AMPD2: variants seen among roughly 807,000 people sequenced by gnomAD.
AMPD2 encodes AMP deaminase 2.
Under a neutral mutation model 91.3 loss-of-function variants are expected in AMPD2, and 52 were observed. The ratio of observed to expected loss-of-function variants is 0.57; its 90% CI spans 0.46 to 0.72. AMPD2 has a LOEUF of 0.72. Ranked by LOEUF, AMPD2 falls within the 30% of genes least tolerant of loss-of-function variation. AMPD2 has a pLI of 0.00. For synonymous variants in AMPD2, 455 were observed against 456.4 expected, an observed-to-expected ratio of 1.00 and a Z score of 0.04; for missense variants, 822 against 1,122.3, an observed-to-expected ratio of 0.73 and a Z score of 3.82.
Position 109,627,805 on chromosome 1 carries a change from C to T in AMPD2, c.982C>T (p.Leu328=). 2 of 1,614,166 alleles carry T rather than the reference C, an allele frequency of 1.2e-6. No homozygotes were observed. Among genetic ancestry groups the T allele is most frequent in the Non-Finnish European group, 1.7e-6 (2 of 1,180,016 alleles). The change falls in exon 10 of 19, where the codon CTG becomes TTG. Residue 328 remains leucine (L), a synonymous_variant. Coordinates refer to ENST00000528667, the MANE Select transcript of AMPD2 (RefSeq NM_001368809.2). ...ATTCTGCTACCGCCGGCTGCAGTAC[C>T]TGAGCTCCAAGTTCCAGATGCATGT... ...KSFCYRRLQY[L]SSKFQMHVLL...
In AMPD2 at chr1:109,629,134, C is replaced by G; in HGVS notation, c.1597C>G (p.Leu533Val). Residue 533 changes from leucine (L) to valine (V), a missense_variant, in exon 14 of 19, where the codon CTG becomes GTG. By Grantham distance (32) the Leu-to-Val change is conservative. This residue lies in a region of AMPD2 where 430 missense variants were observed against 606.0 expected (regional missense o/e 0.71). Coordinates refer to ENST00000528667, the MANE Select transcript of AMPD2 (RefSeq NM_001368809.2). ...TGATGTGTACCGTACCAAGGGCCAG[C>G]TGGCCAACTTCCAGGAGATGCTGGA... Reference protein sequence around the residue: ...LFDVYRTKGQLANFQEMLENI... With the variant: ...LFDVYRTKGQVANFQEMLENI... 6.2e-7 allele frequency: 1 copy of G among 1,613,986 alleles called. No homozygotes were observed. Among genetic ancestry groups the G allele is most frequent in the Non-Finnish European group, 8.5e-7 (1 of 1,179,984 alleles).
In AMPD2 at chr1:109,631,924, G is replaced by C. The variant is rs1651302476; in HGVS notation, c.*772G>C. On this transcript the variant is annotated 3_prime_UTR_variant, in exon 19 of 19. Transcript: ENST00000528667. ...TGGTGTTCCCAGTGTGGCTCCCAGA[G>C]CTTTGACCAGATTGTGATCCCAGCT... The C allele has an allele frequency of 6.5e-6, 1 of 153,384 alleles. No individual in the cohort carries two copies. Among genetic ancestry groups the C allele is most frequent in the African/African-American group, 2.4e-5 (1 of 41,448 alleles). The allele number at this position is 153,384 out of a possible 1,614,324, so 9.5% of individuals were successfully genotyped here. A position where few individuals can be genotyped will look rare whatever the true frequency, so the allele number is the denominator to read the frequency against.
chr1:109,625,268 T>G lies in AMPD2; in HGVS notation c.92-35T>G. ...GCCCAGGGCTTTCAGGGGCTGCCCC[T>G]CCACCCTTTGACCCTGGCATCACTG... On this transcript the variant is annotated intron_variant, in intron 2 of 18. Transcript: ENST00000528667. This position sits in a 1 kb window ranked among gnomAD's most constrained non-coding sequence, Gnocchi z 4.0. 1 of 1,606,708 alleles carries G rather than the reference T, an allele frequency of 6.2e-7. No individual in the cohort carries two copies. Among genetic ancestry groups the G allele is most frequent in the Non-Finnish European group, 8.5e-7 (1 of 1,175,706 alleles).
Position 109,625,639 on chromosome 1 carries a change from T to C in AMPD2, c.223-23T>C. The C allele has an allele frequency of 6.2e-7, 1 of 1,611,852 alleles. No individual in the cohort carries two copies. The highest frequency in any genetic ancestry group is 1.3e-5 in the African/African-American group (1 of 75,032). ...CCCGAGGGCGGAGGGCCAGCCATGC[T>C]GACCTTCCTTCCCTCCCCCCAGGAG... On this transcript the variant is annotated intron_variant, in intron 3 of 18. Transcript: ENST00000528667. This position sits in a 1 kb window ranked among gnomAD's most constrained non-coding sequence, Gnocchi z 4.0.
intron 6 of AMPD2, 79 bp downstream of exon 6, chr1:109,626,506 G>T: frequency 7.0e-7 from 1 of 1,427,770 alleles, no homozygotes; most frequent in Non-Finnish European, 9.5e-7. Context: ...AGCTGGGGGT[G>T]GGGGCTGGAA....
chr1:109,620,484 C>T lies in AMPD2; in HGVS notation c.-263+206C>T, dbSNP rs1010105384. The T allele has an allele frequency of 1.3e-5, 15 of 1,189,512 alleles. No homozygotes were observed. The African/African-American group carries it at 2.4e-4, about 19-fold the overall frequency. 73.7% of individuals were successfully genotyped at this position (1,189,512 alleles called of 1,614,324 possible). On this transcript the variant is annotated intron_variant, in intron 1 of 18. Coordinates refer to ENST00000528667, the MANE Select transcript of AMPD2 (RefSeq NM_001368809.2). ...GGCTAGGGTCTCTGTCCCAGACCCC[C>T]AGACAAGGGGGTCTCCTGGCCTTCC...
chr1:109,627,979 C>T, intron 10 of AMPD2, 76 bp downstream of exon 10: 3 of 1,605,790 alleles, frequency 1.9e-6, no homozygotes, highest in Non-Finnish European at 2.6e-6. Context: ...AGGGCCAGGC[C>T]CCCCACACAG....
intron 17 of AMPD2, 55 bp downstream of exon 17, chr1:109,630,461 C>G (rs935766123): frequency 2.7e-6 from 1 of 377,316 alleles, no homozygotes; most frequent in South Asian, 2.1e-5. Flanking sequence ...CTGGGGTCTC[C>G]CGGGTTGGGT....
At chr1:109,630,192 G>C in intron 16 of AMPD2, 41 bp from the exon 17 acceptor site, 4 of 1,604,766 alleles carry the variant, frequency 2.5e-6, no homozygotes, top group Non-Finnish European at 3.4e-6. Flanking sequence ...GCCCAGCCTC[G>C]GGGCCACCTG....
At chr1:109,630,602 A>C (rs1651146908) in intron 17 of AMPD2, 81 bp from the exon 18 acceptor site, 3 of 1,203,310 alleles carry the variant, frequency 2.5e-6, no homozygotes, top group Non-Finnish European at 3.5e-6. Flanking sequence ...GGGGGTGGGG[A>C]GAGTGAGTGA....
intron 1 of AMPD2, chr1:109,620,657 T>C: frequency 8.3e-7 from 1 of 1,198,538 alleles, no homozygotes. Context: ...GGAAAGTGGG[T>C]GCTGGGTTTT....
At position 109,624,927 on chromosome 1, in the gene AMPD2, G is replaced by T. The variant is rs1261603459; in HGVS notation, c.92-376G>T. Among the ~76,000 whole-genome samples, 1 of 152,156 alleles carries T rather than the reference G, an allele frequency of 6.6e-6. No individual in the cohort carries two copies. The highest frequency in any genetic ancestry group is 1.5e-5 in the Non-Finnish European group (1 of 67,996). Reference sequence around the variant, plus strand: ...AAGCACCTGGTGTGTGTCTCTGAGGGTGTCTGTGTGCGTACGTGCATGTGT... The same window carrying T: ...AAGCACCTGGTGTGTGTCTCTGAGGTTGTCTGTGTGCGTACGTGCATGTGT... On this transcript the variant is annotated intron_variant, in intron 2 of 18. Coordinates refer to ENST00000528667, the MANE Select transcript of AMPD2 (RefSeq NM_001368809.2). The surrounding 1 kb of genome is among the most constrained non-coding windows in gnomAD (Gnocchi z 5.2).
chr1:109,625,559 C>T lies in AMPD2; in HGVS notation c.223-103C>T. ...CTGTCTCCTGATCCTCAGCCTCTCC[C>T]AGGTACCCCTGGTCCTGCTGCCCTC... is the stretch of plus-strand genomic sequence containing the variant. On this transcript the variant is annotated intron_variant, in intron 3 of 18. Coordinates refer to ENST00000528667, the MANE Select transcript of AMPD2 (RefSeq NM_001368809.2). This position sits in a 1 kb window ranked among gnomAD's most constrained non-coding sequence, Gnocchi z 4.0. 6.3e-7 allele frequency: 1 copy of T among 1,594,890 alleles called. No individual in the cohort carries two copies.
In AMPD2 at chr1:109,629,463, A is replaced by G. The variant is rs1411435405; in HGVS notation, c.1835A>G (p.Asn612Ser). Residue 612 changes from asparagine to serine, a missense_variant, in exon 15 of 19, where the codon AAC becomes AGC. By Grantham distance (46) the Asn-to-Ser change is conservative. Transcript: ENST00000528667. ...YAYYLYYTFANMAMLNHLRRQ... is the reference protein window; with the variant it reads ...YAYYLYYTFASMAMLNHLRRQ... Reference sequence around the variant, plus strand: ...TACTACCTGTACTACACCTTTGCCAACATGGCCATGTTGAACCACCTGCGC... The same window carrying G: ...TACTACCTGTACTACACCTTTGCCAGCATGGCCATGTTGAACCACCTGCGC... 38 of 1,613,948 alleles carry G rather than the reference A, an allele frequency of 2.4e-5. No homozygotes were observed. The highest frequency in any genetic ancestry group is 3.2e-5 in the Non-Finnish European group (38 of 1,179,936).
Position 109,628,357 on chromosome 1 carries a change from C to G in AMPD2, c.1276-7C>G, listed in dbSNP as rs781445416. ...ACGGGTGACCTGAGCCTTCCCATGT[C>G]CCCCAGGACAGGAACACTTTCCATC... On this transcript the variant is annotated splice_polypyrimidine_tract_variant and splice_region_variant and intron_variant, in intron 11 of 18. Coordinates refer to ENST00000528667, the MANE Select transcript of AMPD2 (RefSeq NM_001368809.2). The surrounding 1 kb of genome is among the most constrained non-coding windows in gnomAD (Gnocchi z 7.1). 1 of 1,613,962 alleles carries G rather than the reference C, an allele frequency of 6.2e-7. No individual in the cohort carries two copies. The highest frequency in any genetic ancestry group is 8.5e-7 in the Non-Finnish European group (1 of 1,179,960).
Position 109,625,403 on chromosome 1 carries a change from T to A in AMPD2, c.192T>A (p.Ser64=). Residue 64 remains serine (S), a synonymous_variant, in exon 3 of 19, where the codon TCT becomes TCA. Transcript: ENST00000528667. This position sits in a 1 kb window ranked among gnomAD's most constrained non-coding sequence, Gnocchi z 4.0. ...ACTTCCCGCTCGACCTGCGCACGTCTATGGATGGCAAATGCAAGGAGATCG... is the reference window on the plus strand; with the variant it reads ...ACTTCCCGCTCGACCTGCGCACGTCAATGGATGGCAAATGCAAGGAGATCG... ...LKHFPLDLRT[S]MDGKCKEIAE... 1 of 1,613,952 alleles carries A rather than the reference T, an allele frequency of 6.2e-7. No homozygotes were observed. The highest frequency in any genetic ancestry group is 8.5e-7 in the Non-Finnish European group (1 of 1,179,978).
At position 109,628,277 on chromosome 1, in the gene AMPD2, G is replaced by A. The variant is rs775359243; in HGVS notation, c.1275G>A (p.Ala425=). The A allele has an allele frequency of 1.9e-6, 3 of 1,612,982 alleles. No homozygotes were observed. Among genetic ancestry groups the A allele is most frequent in the Admixed American group, 3.3e-5 (2 of 60,012 alleles). Residue 425 remains alanine, a splice_region_variant and synonymous_variant, in exon 11 of 19, where the codon GCG becomes GCA. Coordinates refer to ENST00000528667, the MANE Select transcript of AMPD2 (RefSeq NM_001368809.2). The surrounding 1 kb of genome is among the most constrained non-coding windows in gnomAD (Gnocchi z 7.1). ...DLSVDTLDVH[A]DRNTFHRFDK... The stretch of plus-strand genomic sequence containing the variant: ...GTGTGGACACGCTGGATGTGCATGC[G>A]GTCTGTGCCAGTGGCGTGGGCTGTG...
Position 109,626,749 on chromosome 1 carries a change from T to C in AMPD2, c.555T>C (p.Asp185=). The part of the protein sequence containing the change: ...KCGVPFTDLL[D]AAKSVVRALF... ...AGGTGCCGTTCACAGACCTGCTGGA[T>C]GCAGCCAAGAGTGTGGTGCGGGCGC... Residue 185 remains aspartate (D), a synonymous_variant, in exon 7 of 19, where the codon GAT becomes GAC. Coordinates refer to ENST00000528667, the MANE Select transcript of AMPD2 (RefSeq NM_001368809.2). 1.9e-6 allele frequency: 3 copies of C among 1,613,654 alleles called. No individual in the cohort carries two copies. Among genetic ancestry groups the C allele is most frequent in the Non-Finnish European group, 2.5e-6 (3 of 1,179,734 alleles).
chr1:109,631,094 A>C lies in AMPD2; in HGVS notation c.2420A>C (p.Glu807Ala), dbSNP rs764361647. The C allele has an allele frequency of 1.2e-6, 2 of 1,610,638 alleles. No homozygotes were observed. Among genetic ancestry groups the C allele is most frequent in the East Asian group, 4.5e-5 (2 of 44,792 alleles). Residue 807 changes from glutamate (E) to alanine (A), a missense_variant, in exon 19 of 19, where the codon GAG (glutamate) becomes GCG (alanine). This residue lies in a region of AMPD2 where 430 missense variants were observed against 606.0 expected (regional missense o/e 0.71). Transcript: ENST00000528667. ...LALITQAVQSEMLETIPEEAG... is the reference protein window; with the variant it reads ...LALITQAVQSAMLETIPEEAG... ...CTCATCACGCAGGCAGTCCAGAGTG[A>C]GATGCTGGAGACCATTCCAGAGGAG...
Sources: allele counts gnomAD v4.1 joint callset (sites outside exome capture counted in the v4.1 genomes callset), GRCh38; gene constraint gnomAD v4.1.1; regional missense constraint gnomAD v4.1.1; non-coding constraint Gnocchi (gnomAD v3.1); transcripts MANE v1.5; gene names NCBI Gene and HGNC (gene_info 2026-07-23, HGNC 2026-07-21).